TPTE2: variants seen among roughly 807,000 people sequenced by gnomAD.
TPTE2 encodes phosphatidylinositol 3,4,5-trisphosphate 3-phosphatase TPTE2.
In TPTE2, 53 loss-of-function variants were observed where a neutral mutation model predicts 78.6. That is an observed-to-expected ratio of 0.67 (90% CI 0.54 to 0.85). The LOEUF is 0.85. Ranked by LOEUF, TPTE2 falls within the 40% of genes least tolerant of loss-of-function variation. TPTE2 has a pLI of 0.00. For missense variants in TPTE2, 461 were observed against 623.0 expected (o/e 0.74, Z 2.77); for synonymous variants, 175 against 206.2 (o/e 0.85, Z 1.30).
At position 19,482,301 on chromosome 13, in the gene TPTE2, A is replaced by AT. The variant is rs528889173; in HGVS notation, c.179+186dup. ...GAACATTTATTTCTGAATGGATGGA[A>AT]TTTTTTTTTCAAAATAATACTTGTC... On this transcript the variant is annotated intron_variant, in intron 4 of 19. Transcript: ENST00000400230. Among the ~76,000 whole-genome samples, 1,487 of 151,804 alleles carry AT rather than the reference A, an allele frequency of 9.8e-3. 7 individuals are homozygous for AT. Among genetic ancestry groups the AT allele is most frequent in the Non-Finnish European group, 0.017 (1,173 of 67,912 alleles).
the TPTE2 span, among the ~76,000 whole-genome samples, chr13:19,556,306 G>A: frequency 6.6e-6 from 1 of 152,030 alleles, no homozygotes; most frequent in African/African-American, 2.4e-5. Context: ...TCCTCTATAG[G>A]TGTATATTTT....
the TPTE2 span, among the ~76,000 whole-genome samples, chr13:19,554,245 G>A: frequency 6.6e-6 from 1 of 151,910 alleles, no homozygotes; most frequent in Non-Finnish European, 1.5e-5. Flanking sequence ...CATGGTGGCA[G>A]GCGCCTGTAG....
chr13:19,464,569 T>C lies in TPTE2; in HGVS notation c.677-49A>G, dbSNP rs762465046. 875 of 1,569,284 alleles carry C rather than the reference T, an allele frequency of 5.6e-4. 5 individuals carry two copies. In the African/African-American group the frequency reaches 0.012, roughly 21 times the overall value. On this transcript the variant is annotated intron_variant, in intron 9 of 19. Coordinates refer to ENST00000400230, the Ensembl canonical transcript of TPTE2. Reference sequence around the variant, plus strand: ...TACAAACATTATTATAGATTTCATATAACACAAAAAAAATTAATTTATACA... The same window carrying C: ...TACAAACATTATTATAGATTTCATACAACACAAAAAAAATTAATTTATACA...
intron 13 of TPTE2, among the ~76,000 whole-genome samples, chr13:19,447,080 G>T (rs1166698000): frequency 6.6e-6 from 1 of 151,970 alleles, no homozygotes; most frequent in Non-Finnish European, 1.5e-5. Flanking sequence ...CCTATAAATC[G>T]ATATAAAATA....
At chr13:19,493,622 A>C (rs753703060) in intron 1 of TPTE2, 121 bp from the exon 5 acceptor site, 1 of 874,586 alleles carries the variant, frequency 1.1e-6, no homozygotes, top group South Asian at 1.3e-5. Context: ...TCATGTATAC[A>C]GCACTATTGG....
At chr13:19,560,629 TCAGGGCCAG>T in the TPTE2 span, 9 of 1,585,030 alleles carry the variant, frequency 5.7e-6, no homozygotes, top group African/African-American at 2.7e-5. Context: ...AAGGTGCCCA[TCAGGGCCAG>T]CAGGGTCGGG....
upstream of TPTE2, among the ~76,000 whole-genome samples, chr13:19,504,276 GT>G (rs1868839591): frequency 1.3e-5 from 2 of 152,102 alleles, no homozygotes; most frequent in Non-Finnish European, 2.9e-5. Flanking sequence ...TTCAGCTGCA[GT>G]TTCTATGTAC....
chr13:19,540,436 C>T, upstream of TPTE2, among the ~76,000 whole-genome samples: 1 of 151,862 alleles, frequency 6.6e-6, no homozygotes, highest in South Asian at 2.1e-4. Context: ...TCTCAAGTAG[C>T]TGTGACTACA....
At chr13:19,470,362 A>C (rs1294870583) in intron 6 of TPTE2, among the ~76,000 whole-genome samples, 1 of 152,144 alleles carries the variant, frequency 6.6e-6, no homozygotes, top group Non-Finnish European at 1.5e-5. Context: ...CCATCCTTGC[A>C]TCCCAGAGAC....
At chr13:19,448,815 T>G (rs1473590384) in intron 13 of TPTE2, among the ~76,000 whole-genome samples, 1 of 152,224 alleles carries the variant, frequency 6.6e-6, no homozygotes, top group Non-Finnish European at 1.5e-5. Flanking sequence ...TCTGGGTATA[T>G]ATCCAAAGGA....
At chr13:19,506,211 GC>G (rs1233067429), upstream of TPTE2, among the ~76,000 whole-genome samples, 1 of 95,760 alleles carries the variant, frequency 1.0e-5, no homozygotes, top group Non-Finnish European at 1.9e-5. Context: ...TCGCTCTGTC[GC>G]CCAGGCTGGA....
At chr13:19,490,042 T>C (rs1306821523) in intron 3 of TPTE2, among the ~76,000 whole-genome samples, 1 of 152,208 alleles carries the variant, frequency 6.6e-6, no homozygotes, top group Non-Finnish European at 1.5e-5. Context: ...ATTTGGAATC[T>C]ACTATTAATA....
chr13:19,522,019 T>A (rs921538955), intron 1 of TPTE2, among the ~76,000 whole-genome samples: 50 of 152,304 alleles, frequency 3.3e-4, no homozygotes, highest in African/African-American at 1.1e-3. Context: ...AGCAACAAAT[T>A]TTTTTAGTTT....
At chr13:19,485,591 T>G (rs1013767479) in intron 3 of TPTE2, among the ~76,000 whole-genome samples, 1 of 152,190 alleles carries the variant, frequency 6.6e-6, no homozygotes, top group Non-Finnish European at 1.5e-5. Flanking sequence ...AGTTAGGAAG[T>G]TTTATGCTCT....
intron 1 of TPTE2, among the ~76,000 whole-genome samples, chr13:19,516,387 C>T (rs1869794773): frequency 6.6e-6 from 1 of 152,162 alleles, no homozygotes; most frequent in Non-Finnish European, 1.5e-5. Context: ...TCTTCTTAAA[C>T]CTTCCTGGAG....
chr13:19,476,482 C>T (rs1183928113), intron 4 of TPTE2, among the ~76,000 whole-genome samples: 8 of 151,988 alleles, frequency 5.3e-5, no homozygotes, highest in Non-Finnish European at 1.0e-4. Flanking sequence ...ACAATGCTCA[C>T]AGCCTGTGCC....
intron 13 of TPTE2, 183 bp from the exon 17 acceptor site, chr13:19,438,336 A>G (rs2137498062): frequency 1.0e-6 from 1 of 985,452 alleles, no homozygotes; most frequent in Non-Finnish European, 1.2e-6. Context: ...TCACAGGTGA[A>G]AAATACGCAA....
chr13:19,423,033 G>A (rs745827280), exon 20 of TPTE2: 17 of 1,609,716 alleles, frequency 1.1e-5, no homozygotes, highest in Non-Finnish European at 1.4e-5. Flanking sequence ...GCTATACTTA[G>A]TCGGATCCAG....
chr13:19,545,987 G>A, the TPTE2 span, among the ~76,000 whole-genome samples: 1 of 152,158 alleles, frequency 6.6e-6, no homozygotes, highest in South Asian at 2.1e-4. Flanking sequence ...AGACCAGCCT[G>A]AGCAACAAAG....
Sources: allele counts gnomAD v4.1 joint callset (sites outside exome capture counted in the v4.1 genomes callset), GRCh38; gene constraint gnomAD v4.1.1; transcripts MANE v1.5; gene names NCBI Gene and HGNC (gene_info 2026-07-23, HGNC 2026-07-21).